The following OSBP variants were observed in gnomAD, a reference collection of about 807,000 sequenced individuals.
The protein encoded by OSBP is oxysterol-binding protein 1.
Under a neutral mutation model 96.6 loss-of-function variants are expected in OSBP, and 32 were observed. That is an observed-to-expected ratio of 0.33 (90% CI 0.25 to 0.45). The LOEUF is 0.45. OSBP is among the 20% of genes least tolerant of loss of function. The probability of loss-of-function intolerance (pLI) is 1.00; values close to 1 mark genes in which losing one functional copy is unlikely to be tolerated. For synonymous variants in OSBP, 369 were observed against 389.6 expected, an observed-to-expected ratio of 0.95 and a Z score of 0.62; for missense variants, 653 against 1,029.7, an observed-to-expected ratio of 0.63 and a Z score of 5.01.
chr11:59,601,010 G>T, intron 5 of OSBP, 137 bp from the exon 6 acceptor site: 1 of 690,190 alleles, frequency 1.4e-6, no homozygotes, highest in Non-Finnish European at 2.5e-6. Flanking sequence ...GACATTTAGA[G>T]TAGGAATGAA....
chr11:59,589,151 CTTTTT>C (rs11335531), intron 9 of OSBP, among the ~76,000 whole-genome samples: 2 of 123,996 alleles, frequency 1.6e-5, no homozygotes, highest in East Asian at 2.4e-4. Context: ...AGCAATCATT[CTTTTT>C]TTTTTTTTTT....
At chr11:59,579,973 A>C (rs1052859516) in intron 11 of OSBP, among the ~76,000 whole-genome samples, 1 of 152,058 alleles carries the variant, frequency 6.6e-6, no homozygotes, top group Non-Finnish European at 1.5e-5. Flanking sequence ...CAGCCTCCCA[A>C]AGTGCTGGGA....
At chr11:59,611,079 G>A (rs1445723967) in intron 1 of OSBP, among the ~76,000 whole-genome samples, 1 of 145,362 alleles carries the variant, frequency 6.9e-6, no homozygotes, top group Non-Finnish European at 1.5e-5. Flanking sequence ...AGTTTGCAGT[G>A]AGCTGAGATC....
At position 59,601,114 on chromosome 11, in the gene OSBP, A is replaced by AC. The variant is rs1436625678; in HGVS notation, c.1124+168dup. ...GCCCATTCTACAAAGAGATCTTGAGACAAAAAAAAAAAAAAAAAAAGGGAA... is the reference window on the plus strand; with the variant it reads ...GCCCATTCTACAAAGAGATCTTGAGACCAAAAAAAAAAAAAAAAAAAGGGAA... On this transcript the variant is annotated intron_variant, in intron 5 of 13. Coordinates refer to ENST00000263847, the MANE Select transcript of OSBP (RefSeq NM_002556.3). Among the ~76,000 whole-genome samples the AC allele has an allele frequency of 6.2e-5, 5 of 81,056 alleles. No individual in the cohort carries two copies. In the South Asian group the frequency reaches 2.4e-3, roughly 38 times the overall value. 53.2% of individuals were successfully genotyped at this position (81,056 alleles called of 152,430 possible).
In OSBP at chr11:59,578,275, G is replaced by A. The variant is rs767288006; in HGVS notation, c.1934C>T (p.Thr645Met). 48 of 1,613,888 alleles carry A rather than the reference G, an allele frequency of 3.0e-5. 1 individual carries two copies. The highest frequency in any genetic ancestry group is 3.3e-5 in the Admixed American group (2 of 59,984). ...SGKVHFALLG[T>M]WDEKMECFKV... ...GAAACATTCCATTTTCTCATCCCAC[G>A]TCCCCAGAAGAGCAAAGTGGACTTT... The change falls in exon 12 of 14, where the codon ACG (threonine) becomes ATG (methionine). Residue 645 changes from threonine (T) to methionine (M), a missense_variant. Around this residue, in one of 6 missense-constraint regions of OSBP, gnomAD observed 169 missense variants for 251.5 expected, o/e 0.67. Coordinates refer to ENST00000263847, the MANE Select transcript of OSBP (RefSeq NM_002556.3).
chr11:59,613,691 G>A (rs942805800), intron 1 of OSBP, among the ~76,000 whole-genome samples: 4 of 152,170 alleles, frequency 2.6e-5, no homozygotes, highest in African/African-American at 9.7e-5. Context: ...GATGGTCCTG[G>A]ATAAGTAGTT....
At chr11:59,590,935 T>C (rs1860570995) in intron 9 of OSBP, among the ~76,000 whole-genome samples, 1 of 152,208 alleles carries the variant, frequency 6.6e-6, no homozygotes, top group Admixed American at 6.5e-5. Flanking sequence ...AAGTCAATTC[T>C]TTCTTCAATC....
rs3216084 is a variant in OSBP, at chr11:59,594,314, A to AT, written c.1312-60dup. On this transcript the variant is annotated intron_variant, in intron 7 of 13. Transcript: ENST00000263847. ...TCACTCATCTATAAGAGACAGTTTAATTTTTTTTGCAGTTTAGGAAATAAA... is the reference window on the plus strand; with the variant it reads ...TCACTCATCTATAAGAGACAGTTTAATTTTTTTTTGCAGTTTAGGAAATAAA... 30 of 1,552,082 alleles carry AT rather than the reference A, an allele frequency of 1.9e-5. 1 individual carries two copies. The highest frequency in any genetic ancestry group is 4.5e-5 in the East Asian group (2 of 44,236).
At position 59,610,461 on chromosome 11, in the gene OSBP, C is replaced by G; in HGVS notation, c.491G>C (p.Ser164Thr). The G allele has an allele frequency of 2.5e-6, 4 of 1,614,210 alleles. No homozygotes were observed. Among genetic ancestry groups the G allele is most frequent in the Non-Finnish European group, 3.4e-6 (4 of 1,180,024 alleles). Residue 164 changes from serine (S) to threonine (T), a missense_variant, in exon 2 of 14, where the codon AGT (serine) becomes ACT (threonine). Physicochemically the swap from Ser to Thr is moderately conservative, Grantham distance 58. Transcript: ENST00000263847. The part of the protein sequence containing the change: ...GGAQTYHLKA[S>T]SEVERQRWVT... ...CCAGCGCTGCCGCTCAACTTCTGAA[C>G]TAGCTTTCAGATGGTAGGTCTGAGC...
chr11:59,593,246 G>C (rs916694902), intron 9 of OSBP, among the ~76,000 whole-genome samples: 4 of 152,138 alleles, frequency 2.6e-5, no homozygotes, highest in African/African-American at 9.7e-5. Flanking sequence ...GCAATCATGA[G>C]TTCTGATTTA....
chr11:59,613,793 G>C (rs1361241553), intron 1 of OSBP, among the ~76,000 whole-genome samples: 2 of 152,204 alleles, frequency 1.3e-5, no homozygotes, highest in Non-Finnish European at 2.9e-5. Flanking sequence ...GTGAGGATGA[G>C]CTATCTAAGG....
chr11:59,592,348 C>T (rs767691743), intron 9 of OSBP, among the ~76,000 whole-genome samples: 35 of 152,148 alleles, frequency 2.3e-4, no homozygotes, highest in Non-Finnish European at 4.1e-4. Context: ...CATTTATGAA[C>T]TTTTTTTCTG....
intron 1 of OSBP, among the ~76,000 whole-genome samples, chr11:59,613,660 T>C (rs1860882652): frequency 6.6e-6 from 1 of 152,208 alleles, no homozygotes; most frequent in South Asian, 2.1e-4. Flanking sequence ...AAATTTTAGA[T>C]TTGTAATCTA....
intron 3 of OSBP, among the ~76,000 whole-genome samples, chr11:59,603,449 A>G (rs2134671630): frequency 6.6e-6 from 1 of 152,260 alleles, no homozygotes; most frequent in Middle Eastern, 3.4e-3. Flanking sequence ...TGAGATTCAG[A>G]ATAGAATATC....
intron 1 of OSBP, among the ~76,000 whole-genome samples, chr11:59,611,711 T>C (rs1027636705): frequency 2.0e-5 from 3 of 152,194 alleles, no homozygotes; most frequent in Admixed American, 1.3e-4. Flanking sequence ...CGTCTATTAA[T>C]AGCTAGGAAA....
chr11:59,611,418 T>C (rs1377436374), intron 1 of OSBP, among the ~76,000 whole-genome samples: 1 of 152,156 alleles, frequency 6.6e-6, no homozygotes, highest in Non-Finnish European at 1.5e-5. Context: ...TTCCTAAGAA[T>C]AGCTCTATTT....
chr11:59,585,915 A>C (rs535064111), intron 9 of OSBP, among the ~76,000 whole-genome samples: 19 of 152,306 alleles, frequency 1.2e-4, no homozygotes, highest in African/African-American at 3.8e-4. Flanking sequence ...CTCAGGGTTA[A>C]ATGGATTAAG....
intron 9 of OSBP, among the ~76,000 whole-genome samples, chr11:59,589,788 G>C (rs1170071012): frequency 6.6e-6 from 1 of 151,544 alleles, no homozygotes. Flanking sequence ...TTTGAGACCA[G>C]CCTGGTCGAC....
chr11:59,606,219 C>T (rs1373744966), intron 3 of OSBP, among the ~76,000 whole-genome samples: 1 of 152,036 alleles, frequency 6.6e-6, no homozygotes, highest in East Asian at 1.9e-4. Context: ...TAGCACAGTT[C>T]GTGGAACACA....
Sources: gnomAD v4.1 joint callset for allele counts (sites outside exome capture counted in the v4.1 genomes callset) on GRCh38, gnomAD v4.1.1 for gene constraint, gnomAD v4.1.1 regional missense constraint, MANE v1.5 for transcripts, NCBI Gene and HGNC (gene_info 2026-07-23, HGNC 2026-07-21) for gene names.